The following GTF3C5 variants were observed in gnomAD, a reference collection of about 807,000 sequenced individuals.
The protein encoded by GTF3C5 is general transcription factor 3C polypeptide 5.
Under a neutral mutation model 61.0 loss-of-function variants are expected in GTF3C5, and 47 were observed. The ratio of observed to expected loss-of-function variants is 0.77; its 90% CI spans 0.61 to 0.98. GTF3C5 has a LOEUF of 0.98. Among genes scored for constraint, GTF3C5 ranks in the 50% least tolerant of loss-of-function variants. The pLI is 0.00. For synonymous variants in GTF3C5, 295 were observed against 275.4 expected, an observed-to-expected ratio of 1.07 and a Z score of -0.71; for missense variants, 659 against 703.3, an observed-to-expected ratio of 0.94 and a Z score of 0.71.
chr9:133,046,223 C>T (rs557899867), intron 3 of GTF3C5, among the ~76,000 whole-genome samples: 20 of 152,122 alleles, frequency 1.3e-4, no homozygotes, highest in Non-Finnish European at 2.2e-4. Flanking sequence ...CCTAGCTACT[C>T]GGGAGGCTGA....
intron 3 of GTF3C5, among the ~76,000 whole-genome samples, chr9:133,047,819 G>A (rs568169944): frequency 6.6e-6 from 1 of 152,298 alleles, no homozygotes; most frequent in Middle Eastern, 3.4e-3. Flanking sequence ...ACCGCACCCA[G>A]CCTATTTTTT....
At chr9:133,056,450 G>A (rs1829941923) in intron 9 of GTF3C5, among the ~76,000 whole-genome samples, 2 of 152,206 alleles carry the variant, frequency 1.3e-5, no homozygotes, top group African/African-American at 4.8e-5. Context: ...TGCAGGGAAA[G>A]GGCACTCACT....
rs778940831 is a variant in GTF3C5 at position 133,054,408 on chromosome 9, G to C, written c.989G>C (p.Gly330Ala). The change falls in exon 7 of 11, where the codon GGT becomes GCT. Residue 330 changes from glycine to alanine, a missense_variant and splice_region_variant. Transcript: ENST00000372097. ...CTGACTTGCCCGCCCTCGCCTACAG[G>C]TTACGCCCCCAGTGACTTGCCGGTC... ...DFRIRCGMKH[G>A]YAPSDLPVKA... 4 of 1,614,034 alleles carry C rather than the reference G, an allele frequency of 2.5e-6. No individual in the cohort carries two copies. Among genetic ancestry groups the C allele is most frequent in the Non-Finnish European group, 3.4e-6 (4 of 1,179,962 alleles).
chr9:133,053,837 C>A lies in GTF3C5; in HGVS notation c.883C>A (p.Pro295Thr). 1 of 1,606,094 alleles carries A rather than the reference C, an allele frequency of 6.2e-7. No homozygotes were observed. ...CACTTTTCTGTCCCAGATAACAGGC[C>A]CCTGGCGCAGCCTATGGATTCGATT... is the stretch of plus-strand genomic sequence containing the variant. The part of the protein sequence containing the change: ...PFIAYYMITG[P>T]WRSLWIRFGY... The change falls in exon 6 of 11, where the codon CCC (proline) becomes ACC (threonine). Residue 295 changes from proline (P) to threonine (T), a missense_variant. Pro to Thr is a conservative substitution (Grantham distance 38). Transcript: ENST00000372097.
At chr9:133,055,297 A>G (rs1437380154) in intron 8 of GTF3C5, 8 of 1,401,970 alleles carry the variant, frequency 5.7e-6, no homozygotes, top group Non-Finnish European at 7.5e-6. Flanking sequence ...GCCGCTCCAC[A>G]GCCCTGGGGG....
At chr9:133,044,141 T>A in intron 3 of GTF3C5, 3 of 192,122 alleles carry the variant, frequency 1.6e-5, no homozygotes, top group Non-Finnish European at 1.8e-5. Context: ...TGAGACTTTG[T>A]CTCCCAAAAA....
intron 1 of GTF3C5, among the ~76,000 whole-genome samples, chr9:133,036,835 T>C (rs1171910183): frequency 1.3e-5 from 2 of 152,210 alleles, no homozygotes; most frequent in African/African-American, 2.4e-5. Context: ...CCCTTCGACG[T>C]GTTCAGTTCC....
In GTF3C5 at chr9:133,056,829, G is replaced by C; in HGVS notation, c.1314G>C (p.Trp438Cys). The change falls in exon 10 of 11, where the codon TGG becomes TGC. Residue 438 changes from tryptophan to cysteine, a missense_variant. By Grantham distance (215) the Trp-to-Cys change is radical (BLOSUM62 -2). Coordinates refer to ENST00000372097, the MANE Select transcript of GTF3C5 (RefSeq NM_012087.4). ...AENSCTERDGWCLPKTSDELR... is the reference protein window; with the variant it reads ...AENSCTERDGCCLPKTSDELR... ...ATTCCTGCACAGAACGGGATGGGTGGTGCCTCCCCAAGACCAGCGACGAGC... is the reference window on the plus strand; with the variant it reads ...ATTCCTGCACAGAACGGGATGGGTGCTGCCTCCCCAAGACCAGCGACGAGC... 1 of 1,611,980 alleles carries C rather than the reference G, an allele frequency of 6.2e-7. No homozygotes were observed. The highest frequency in any genetic ancestry group is 8.5e-7 in the Non-Finnish European group (1 of 1,179,066).
chr9:133,052,206 A>T, intron 5 of GTF3C5, 42 bp downstream of exon 5: 2 of 1,101,332 alleles, frequency 1.8e-6, no homozygotes, highest in Non-Finnish European at 2.8e-6. Flanking sequence ...GTTTCCACCC[A>T]TGTGGTCCCT....
upstream of GTF3C5, chr9:133,030,726 T>C (rs1390153039): frequency 9.2e-6 from 5 of 544,450 alleles, no homozygotes; most frequent in Non-Finnish European, 1.7e-5. Context: ...ATCCTCCGGG[T>C]CCCTCGCTGG....
At chr9:133,039,331 G>A (rs546087175) in intron 1 of GTF3C5, among the ~76,000 whole-genome samples, 2 of 152,120 alleles carry the variant, frequency 1.3e-5, no homozygotes, top group South Asian at 2.1e-4. Flanking sequence ...ACTGTCTCTC[G>A]TCCTCTTGAC....
At chr9:133,053,059 C>G (rs1228573560) in intron 5 of GTF3C5, among the ~76,000 whole-genome samples, 1 of 152,050 alleles carries the variant, frequency 6.6e-6, no homozygotes, top group Non-Finnish European at 1.5e-5. Flanking sequence ...AGGCTGGTCT[C>G]GAACTCCTAA....
chr9:133,033,651 G>A (rs1849790363), intron 1 of GTF3C5, among the ~76,000 whole-genome samples: 1 of 152,118 alleles, frequency 6.6e-6, no homozygotes. Flanking sequence ...CAGGCTGTGG[G>A]GTCCTGGAAA....
At chr9:133,045,784 C>G (rs1850184835) in intron 3 of GTF3C5, among the ~76,000 whole-genome samples, 1 of 152,098 alleles carries the variant, frequency 6.6e-6, no homozygotes, top group African/African-American at 2.4e-5. Context: ...CTGCAGGCGC[C>G]CACCAGTACG....
Position 133,054,761 on chromosome 9 carries a change from G to A in GTF3C5, c.1119G>A (p.Ser373=), listed in dbSNP as rs1370857917. 1.3e-5 allele frequency: 21 copies of A among 1,584,598 alleles called. No homozygotes were observed. Among genetic ancestry groups the A allele is most frequent in the Admixed American group, 7.3e-5 (4 of 55,168 alleles). Residue 373 remains serine, a synonymous_variant, in exon 8 of 11, where the codon TCG becomes TCA. Coordinates refer to ENST00000372097, the MANE Select transcript of GTF3C5 (RefSeq NM_012087.4). ...ACCTGAAGCAGGGCCTGGGCCCGTC[G>A]GGGACGAGTGGTGCTCGGAAACCAG... ...MHDLKQGLGP[S]GTSGARKPAS... is the part of the protein sequence containing the mutation.
At chr9:133,031,741 G>GC (rs1419528012) in intron 1 of GTF3C5, among the ~76,000 whole-genome samples, 2 of 152,220 alleles carry the variant, frequency 1.3e-5, no homozygotes, top group African/African-American at 4.8e-5. Context: ...AGTCTCTACT[G>GC]CTGTGTCTTT....
At chr9:133,056,703 C>G in intron 9 of GTF3C5, 63 bp from the exon 10 acceptor site, 5 of 1,476,748 alleles carry the variant, frequency 3.4e-6, no homozygotes, top group Middle Eastern at 3.6e-4. Flanking sequence ...AAAACCAACA[C>G]TGGCATCTCT....
At chr9:133,056,635 C>A in intron 9 of GTF3C5, 131 bp from the exon 10 acceptor site, 1 of 811,162 alleles carries the variant, frequency 1.2e-6, no homozygotes, top group Non-Finnish European at 1.8e-6. Flanking sequence ...TCCAGTTCCT[C>A]TCTGTAGACT....
intron 3 of GTF3C5, among the ~76,000 whole-genome samples, chr9:133,047,045 G>A (rs747366309): frequency 6.6e-6 from 1 of 152,130 alleles, no homozygotes; most frequent in African/African-American, 2.4e-5. Context: ...CATCAGGAGC[G>A]TCCAGTGAGC....
Sources: allele counts gnomAD v4.1 joint callset (sites outside exome capture counted in the v4.1 genomes callset), GRCh38; gene constraint gnomAD v4.1.1; transcripts MANE v1.5; gene names NCBI Gene and HGNC (gene_info 2026-07-23, HGNC 2026-07-21).